ROBO2: variants seen among roughly 807,000 people sequenced by gnomAD.
ROBO2 encodes the protein roundabout guidance receptor 2.
ROBO2 carries 53 observed loss-of-function variants against 160.8 expected under a neutral mutation model. That is an observed-to-expected ratio of 0.33 (90% CI 0.26 to 0.41). The LOEUF (loss-of-function observed/expected upper bound fraction) is 0.41. Ranked by LOEUF, ROBO2 falls within the 10% of genes least tolerant of loss-of-function variation. The pLI is 1.00. For synonymous variants in ROBO2, 664 were observed against 611.7 expected, an observed-to-expected ratio of 1.09 and a Z score of -1.26; for missense variants, 1,577 against 1,722.4, an observed-to-expected ratio of 0.92 and a Z score of 1.49.
At chr3:76,611,777 TTTC>T (rs1216564748) in intron 2 of ROBO2, among the ~76,000 whole-genome samples, 1 of 152,180 alleles carries the variant, frequency 6.6e-6, no homozygotes, top group African/African-American at 2.4e-5. Flanking sequence ...TGCTCTAATC[TTTC>T]TTATTTCTTT....
chr3:76,200,825 T>A (rs142420878), intron 2 of ROBO2, among the ~76,000 whole-genome samples: 4 of 152,220 alleles, frequency 2.6e-5, no homozygotes, highest in African/African-American at 9.6e-5. Context: ...TGGGGCCACT[T>A]AGTGCTGGTG....
chr3:76,153,028 C>G (rs554342286), intron 2 of ROBO2, among the ~76,000 whole-genome samples: 3 of 152,142 alleles, frequency 2.0e-5, no homozygotes, highest in African/African-American at 7.2e-5. Flanking sequence ...GATAATGCAA[C>G]CTGAGTTCTT....
chr3:76,546,149 C>T (rs374775388), intron 2 of ROBO2, among the ~76,000 whole-genome samples: 3 of 151,740 alleles, frequency 2.0e-5, no homozygotes, highest in East Asian at 1.9e-4. Context: ...AAGAGTGGTC[C>T]GTGTGCAAAG....
intron 2 of ROBO2, among the ~76,000 whole-genome samples, chr3:76,111,744 A>G (rs2070240516): frequency 6.6e-6 from 1 of 152,118 alleles, no homozygotes; most frequent in Admixed American, 6.6e-5. Flanking sequence ...CCAAAAGGGC[A>G]GGGAGATGAG....
chr3:77,273,675 A>T (rs935578834), intron 2 of ROBO2, among the ~76,000 whole-genome samples: 1 of 151,494 alleles, frequency 6.6e-6, no homozygotes, highest in African/African-American at 2.4e-5. Context: ...TAAATAAAAG[A>T]AGACAGACTC....
chr3:77,343,424 G>A (rs977181406), intron 2 of ROBO2, among the ~76,000 whole-genome samples: 1 of 151,998 alleles, frequency 6.6e-6, no homozygotes, highest in Non-Finnish European at 1.5e-5. Flanking sequence ...CTATGTTCTG[G>A]CGCTAATCTC....
chr3:76,156,112 C>T (rs1204630724), intron 2 of ROBO2, among the ~76,000 whole-genome samples: 1 of 151,858 alleles, frequency 6.6e-6, no homozygotes, highest in Non-Finnish European at 1.5e-5. Context: ...GTGATTTCCC[C>T]CTAGTAGTTT....
At chr3:77,632,905 A>G (rs977524871) in intron 23 of ROBO2, 7 of 320,588 alleles carry the variant, frequency 2.2e-5, no homozygotes, top group Admixed American at 4.8e-5. Flanking sequence ...ATTAATTGGA[A>G]TATGCTTCCT....
At chr3:76,620,435 G>A (rs2088974813) in intron 2 of ROBO2, among the ~76,000 whole-genome samples, 1 of 152,144 alleles carries the variant, frequency 6.6e-6, no homozygotes, top group South Asian at 2.1e-4. Flanking sequence ...AAAATGGTAT[G>A]TTCGAGGATG....
intron 2 of ROBO2, among the ~76,000 whole-genome samples, chr3:75,989,280 G>T (rs1393299718): frequency 2.0e-5 from 3 of 151,978 alleles, no homozygotes; most frequent in Non-Finnish European, 4.4e-5. Context: ...ACCATGACTG[G>T]CTAATTTTTG....
intron 2 of ROBO2, among the ~76,000 whole-genome samples, chr3:76,643,917 A>C (rs2090833250): frequency 6.6e-6 from 1 of 152,226 alleles, no homozygotes; most frequent in Admixed American, 6.5e-5. Flanking sequence ...TCTGTGGAGA[A>C]CTATGATTTA....
chr3:76,572,157 CTT>C (rs1462993378), intron 2 of ROBO2, among the ~76,000 whole-genome samples: 6 of 152,172 alleles, frequency 3.9e-5, no homozygotes, highest in Non-Finnish European at 4.4e-5. Flanking sequence ...TTATTGAATC[CTT>C]TTAGCAGGGC....
chr3:75,907,615 T>C (rs1182189278), intron 1 of ROBO2, among the ~76,000 whole-genome samples: 1 of 152,172 alleles, frequency 6.6e-6, no homozygotes, highest in Non-Finnish European at 1.5e-5. Flanking sequence ...TGATACCTTT[T>C]TGGATTTCTT....
At chr3:76,891,161 G>A (rs189472494) in intron 2 of ROBO2, among the ~76,000 whole-genome samples, 1 of 151,890 alleles carries the variant, frequency 6.6e-6, no homozygotes, top group Admixed American at 6.6e-5. Context: ...TCTCATGATT[G>A]ATTTTTAAAT....
At chr3:76,396,914 G>A (rs75130968) in intron 2 of ROBO2, among the ~76,000 whole-genome samples, 28,633 of 151,858 alleles carry the variant, frequency 0.19, 3,206 homozygotes, top group African/African-American at 0.31. Flanking sequence ...TAATTTATAG[G>A]TTCAATGCCA....
At chr3:76,033,103 A>C (rs1357496794) in intron 2 of ROBO2, among the ~76,000 whole-genome samples, 3 of 706 alleles carry the variant, frequency 4.2e-3, no homozygotes, top group East Asian at 0.5. Flanking sequence ...TATAACAGCA[A>C]AAAAAAAAAA....
chr3:76,651,555 TA>T (rs2091259273), intron 2 of ROBO2, among the ~76,000 whole-genome samples: 1 of 151,994 alleles, frequency 6.6e-6, no homozygotes, highest in South Asian at 2.1e-4. Context: ...TAGCTCAATG[TA>T]TATGTAAAGA....
chr3:76,049,403 ATTTTTTTT>A (rs1167852972), intron 2 of ROBO2, among the ~76,000 whole-genome samples: 2 of 53,750 alleles, frequency 3.7e-5, no homozygotes, highest in African/African-American at 1.5e-4. Context: ...ATATATATAT[ATTTTTTTT>A]TTTTTTTTTT....
chr3:76,852,675 C>T (rs2069536119), intron 2 of ROBO2, among the ~76,000 whole-genome samples: 1 of 151,976 alleles, frequency 6.6e-6, no homozygotes, highest in South Asian at 2.1e-4. Flanking sequence ...AATATAATAC[C>T]CCCAATCTGA....
Sources: allele counts gnomAD v4.1 joint callset (sites outside exome capture counted in the v4.1 genomes callset), GRCh38; gene constraint gnomAD v4.1.1; transcripts MANE v1.5; gene names NCBI Gene and HGNC (gene_info 2026-07-23, HGNC 2026-07-21).